GABRG1: variants seen among roughly 807,000 people sequenced by gnomAD.
GABRG1 encodes gamma-aminobutyric acid type A receptor subunit gamma1, also known as gamma-aminobutyric acid receptor subunit gamma-1.
Under a neutral mutation model 49.8 loss-of-function variants are expected in GABRG1, and 49 were observed. The observed-to-expected ratio is 0.98, with a 90% CI of 0.78 to 1.25. The LOEUF (loss-of-function observed/expected upper bound fraction) is 1.25. Among genes scored for constraint, GABRG1 ranks in the 50% most tolerant of loss-of-function variants. The pLI is 0.00. For synonymous variants in GABRG1, 232 were observed against 185.1 expected, an observed-to-expected ratio of 1.25 and a Z score of -2.06; for missense variants, 552 against 552.3, an observed-to-expected ratio of 1.00 and a Z score of 0.01.
chr4:46,056,164 A>AAAAAAAATAAATAAAT (rs1718435097), intron 7 of GABRG1, among the ~76,000 whole-genome samples: 1 of 33,380 alleles, frequency 3.0e-5, no homozygotes, highest in African/African-American at 2.9e-4. Flanking sequence ...AAAAAAAAAA[A>AAAAAAAATAAATAAAT]AAAAAAAAAA....
chr4:46,044,864 A>G (rs1048308595), intron 8 of GABRG1, among the ~76,000 whole-genome samples: 1 of 152,120 alleles, frequency 6.6e-6, no homozygotes, highest in Admixed American at 6.6e-5. Context: ...ATGAGAAGAA[A>G]CTTTCACTAT....
chr4:46,078,457 T>TAG (rs1245255530), intron 3 of GABRG1, among the ~76,000 whole-genome samples: 1 of 151,432 alleles, frequency 6.6e-6, no homozygotes, highest in Non-Finnish European at 1.5e-5. Flanking sequence ...CCCAGAAACA[T>TAG]ACAAGGGAGA....
chr4:46,122,946 A>C (rs1721132920), intron 1 of GABRG1, among the ~76,000 whole-genome samples: 1 of 152,092 alleles, frequency 6.6e-6, no homozygotes, highest in African/African-American at 2.4e-5. Context: ...TCCTACGTAT[A>C]ATCGAAGAAT....
At chr4:46,093,691 A>C (rs1720076517) in intron 2 of GABRG1, among the ~76,000 whole-genome samples, 2 of 152,156 alleles carry the variant, frequency 1.3e-5, no homozygotes, top group South Asian at 4.1e-4. Flanking sequence ...TGTATATAAA[A>C]ATACCTCATG....
intron 8 of GABRG1, among the ~76,000 whole-genome samples, chr4:46,044,633 G>C (rs961319085): frequency 6.6e-6 from 1 of 152,084 alleles, no homozygotes; most frequent in Non-Finnish European, 1.5e-5. Flanking sequence ...TCTCAGAAAG[G>C]CTCAGTAAAT....
chr4:46,107,125 C>T (rs1560373182), intron 1 of GABRG1, among the ~76,000 whole-genome samples: 1 of 151,128 alleles, frequency 6.6e-6, no homozygotes, highest in Non-Finnish European at 1.5e-5. Flanking sequence ...TACAGTTACC[C>T]TATTGTGCTA....
At chr4:46,044,282 G>A (rs1462008129) in intron 8 of GABRG1, among the ~76,000 whole-genome samples, 5 of 152,086 alleles carry the variant, frequency 3.3e-5, no homozygotes, top group Admixed American at 6.6e-5. Flanking sequence ...AGACCAGCCT[G>A]GGCAACATGG....
intron 8 of GABRG1, among the ~76,000 whole-genome samples, chr4:46,049,080 C>T (rs548228222): frequency 6.6e-6 from 1 of 151,562 alleles, no homozygotes; most frequent in Non-Finnish European, 1.5e-5. Context: ...TTAAACTACT[C>T]TGAATTTTAA....
chr4:46,100,902 T>C (rs868510219), intron 1 of GABRG1, among the ~76,000 whole-genome samples: 5 of 151,278 alleles, frequency 3.3e-5, no homozygotes, highest in Non-Finnish European at 7.4e-5. Context: ...AATTTCATTA[T>C]AGGTAATTTA....
chr4:46,069,547 T>C (rs545900802), intron 3 of GABRG1, among the ~76,000 whole-genome samples: 1 of 152,220 alleles, frequency 6.6e-6, no homozygotes, highest in South Asian at 2.1e-4. Context: ...AAAGAGGTTA[T>C]GCCAATTGCT....
At chr4:46,076,367 A>G (rs1183371551) in intron 3 of GABRG1, among the ~76,000 whole-genome samples, 3 of 117,644 alleles carry the variant, frequency 2.6e-5, no homozygotes, top group African/African-American at 9.3e-5. Context: ...ATGTTCATAT[A>G]TATATATATA....
chr4:46,049,915 G>A (rs1054641462), intron 8 of GABRG1, among the ~76,000 whole-genome samples: 11 of 151,850 alleles, frequency 7.2e-5, no homozygotes, highest in Admixed American at 6.6e-4. Context: ...TGAAATTAGA[G>A]AATGGATGTG....
intron 8 of GABRG1, among the ~76,000 whole-genome samples, chr4:46,050,041 A>G (rs1445669102): frequency 6.6e-6 from 1 of 151,966 alleles, no homozygotes; most frequent in Non-Finnish European, 1.5e-5. Context: ...AGATAAGTAA[A>G]CGATAAAATG....
intron 2 of GABRG1, among the ~76,000 whole-genome samples, chr4:46,089,278 C>T (rs1387905524): frequency 6.6e-6 from 1 of 151,976 alleles, no homozygotes; most frequent in Non-Finnish European, 1.5e-5. Context: ...ATTTATACCT[C>T]CTAACCATAA....
At chr4:46,049,788 T>C (rs1378099647) in intron 8 of GABRG1, among the ~76,000 whole-genome samples, 4 of 151,926 alleles carry the variant, frequency 2.6e-5, no homozygotes, top group African/African-American at 4.8e-5. Context: ...CATTGGAACT[T>C]TGGCTGAGTG....
intron 3 of GABRG1, among the ~76,000 whole-genome samples, chr4:46,074,609 G>A (rs938617352): frequency 5.9e-5 from 9 of 152,026 alleles, no homozygotes; most frequent in East Asian, 1.9e-4. Flanking sequence ...CAAAATGTCC[G>A]AAGTCAAGAT....
intron 1 of GABRG1, among the ~76,000 whole-genome samples, chr4:46,119,193 T>C (rs999040478): frequency 3.3e-5 from 5 of 151,388 alleles, no homozygotes; most frequent in Non-Finnish European, 5.9e-5. Flanking sequence ...CTCCAGAAAG[T>C]GTGTGATAGG....
At chr4:46,109,105 T>A (rs10015556) in intron 1 of GABRG1, among the ~76,000 whole-genome samples, 2 of 150,622 alleles carry the variant, frequency 1.3e-5, no homozygotes, top group African/African-American at 4.9e-5. Context: ...CCAGGTTTTC[T>A]TTGTATGCCT....
intron 3 of GABRG1, among the ~76,000 whole-genome samples, chr4:46,074,830 T>C (rs990900618): frequency 3.3e-5 from 5 of 152,134 alleles, no homozygotes; most frequent in Middle Eastern, 3.4e-3. Flanking sequence ...ATAGAACAAA[T>C]ACTGAATATA....
Sources: allele counts gnomAD v4.1 joint callset (sites outside exome capture counted in the v4.1 genomes callset), GRCh38; gene constraint gnomAD v4.1.1; transcripts MANE v1.5; gene names NCBI Gene and HGNC (gene_info 2026-07-23, HGNC 2026-07-21).